Variants in SRPK2 observed in about 807,000 individuals in gnomAD.
SRPK2 encodes SFRS protein kinase 2.
Under a neutral mutation model 90.8 loss-of-function variants are expected in SRPK2, and 21 were observed. The observed-to-expected ratio is 0.23, with a 90% CI of 0.16 to 0.33. SRPK2 has a LOEUF of 0.33. Among genes scored for constraint, SRPK2 ranks in the 10% least tolerant of loss-of-function variants. The pLI, the probability that SRPK2 is intolerant of heterozygous loss-of-function variation, is 1.00. For synonymous variants in SRPK2, 288 were observed against 311.1 expected, an observed-to-expected ratio of 0.93 and a Z score of 0.78; for missense variants, 620 against 869.0, an observed-to-expected ratio of 0.71 and a Z score of 3.60.
chr7:105,134,985 G>A (rs1802578231), intron 11 of SRPK2, among the ~76,000 whole-genome samples: 1 of 152,146 alleles, frequency 6.6e-6, no homozygotes, highest in South Asian at 2.1e-4. Flanking sequence ...AAAGAAAGCA[G>A]CACAAAGACC....
In SRPK2 at chr7:105,210,205, G is replaced by A. The variant is rs573812978; in HGVS notation, c.72-6420C>T. ...CTCTCCTTTGCTATCAGCTTAGATG[G>A]CAACTGACACAATTTAAGAAATACA... On this transcript the variant is annotated intron_variant, in intron 2 of 15. Transcript: ENST00000393651. Among the ~76,000 whole-genome samples, 30 of 152,258 alleles carry A rather than the reference G, an allele frequency of 2.0e-4. No individual in the cohort carries two copies. In the South Asian group the frequency reaches 6.2e-3, roughly 32 times the overall value.
At chr7:105,173,278 T>C (rs1412798762) in intron 3 of SRPK2, among the ~76,000 whole-genome samples, 1 of 152,236 alleles carries the variant, frequency 6.6e-6, no homozygotes, top group East Asian at 1.9e-4. Context: ...CTAGTAATAG[T>C]ATTTTTAAAA....
chr7:105,265,470 T>TC (rs1247191376), intron 2 of SRPK2, among the ~76,000 whole-genome samples: 1 of 151,996 alleles, frequency 6.6e-6, no homozygotes, highest in African/African-American at 2.4e-5. Context: ...AACCAATCAA[T>TC]CCCCCTTGGA....
At chr7:105,377,369 C>A (rs1030960537) in intron 2 of SRPK2, among the ~76,000 whole-genome samples, 1 of 152,042 alleles carries the variant, frequency 6.6e-6, no homozygotes, top group African/African-American at 2.4e-5. Flanking sequence ...GACCAAACAG[C>A]TCTTAAAGGA....
intron 1 of SRPK2, among the ~76,000 whole-genome samples, chr7:105,396,814 G>GAGAA (rs1563329641): frequency 2.0e-4 from 20 of 99,324 alleles, no homozygotes; most frequent in South Asian, 4.0e-4. Flanking sequence ...AAGAAAGAAA[G>GAGAA]AGAGAAAGAG....
intron 2 of SRPK2, among the ~76,000 whole-genome samples, chr7:105,361,817 A>G (rs1411472705): frequency 6.6e-6 from 1 of 152,172 alleles, no homozygotes; most frequent in Non-Finnish European, 1.5e-5. Flanking sequence ...CTTATACAAA[A>G]ATTAATTCAA....
chr7:105,196,126 C>A (rs2129607702), intron 3 of SRPK2, among the ~76,000 whole-genome samples: 2 of 152,310 alleles, frequency 1.3e-5, no homozygotes. Flanking sequence ...GTCAGAATCT[C>A]CTTGGTCTCC....
rs34445430 is a variant in SRPK2, at chr7:105,375,983, C to CTTTTTTTTTT, written c.71+12655_71+12664dup. ...TGGGCAACGTAATGAGAATTCATTTCTTTTTTTTTTTTTTTTTTTTTTTTT... is the reference window on the plus strand; with the variant it reads ...TGGGCAACGTAATGAGAATTCATTTCTTTTTTTTTTTTTTTTTTTTTTTTTTTTTTTTTTT... On this transcript the variant is annotated intron_variant, in intron 2 of 15. Coordinates refer to ENST00000393651, the MANE Select transcript of SRPK2 (RefSeq NM_182692.3). Among the ~76,000 whole-genome samples the CTTTTTTTTTT allele has an allele frequency of 7.4e-4, 47 of 63,176 alleles. 8 individuals are homozygous for CTTTTTTTTTT. The highest frequency in any genetic ancestry group is 1.4e-3 in the South Asian group (2 of 1,380). 41.4% of individuals were successfully genotyped at this position (63,176 alleles called of 152,430 possible).
chr7:105,355,470 C>T (rs1817677309), intron 2 of SRPK2, among the ~76,000 whole-genome samples: 1 of 151,952 alleles, frequency 6.6e-6, no homozygotes, highest in Admixed American at 6.6e-5. Context: ...CATTACAAGA[C>T]CACATCTCAA....
chr7:105,337,056 C>A (rs1472966565), intron 2 of SRPK2, among the ~76,000 whole-genome samples: 1 of 152,070 alleles, frequency 6.6e-6, no homozygotes, highest in African/African-American at 2.4e-5. Context: ...CCCACCTCGG[C>A]CTCCCAAAGA....
chr7:105,279,011 C>G (rs764289017), intron 2 of SRPK2, among the ~76,000 whole-genome samples: 4 of 152,054 alleles, frequency 2.6e-5, no homozygotes, highest in Non-Finnish European at 5.9e-5. Flanking sequence ...ATAAAATAGG[C>G]TTACTTTCAG....
chr7:105,358,415 G>A (rs1232155002), intron 2 of SRPK2, among the ~76,000 whole-genome samples: 1 of 152,020 alleles, frequency 6.6e-6, no homozygotes, highest in African/African-American at 2.4e-5. Context: ...GCCATGCATG[G>A]TGGCTCACAC....
intron 2 of SRPK2, among the ~76,000 whole-genome samples, chr7:105,251,444 T>A (rs2237621): frequency 0.062 from 9,456 of 152,104 alleles, 1,003 homozygotes; most frequent in African/African-American, 0.21. Context: ...GGTCAAGCTA[T>A]GCTCCTGCCT....
At chr7:105,377,055 T>C (rs956391626) in intron 2 of SRPK2, among the ~76,000 whole-genome samples, 1 of 152,152 alleles carries the variant, frequency 6.6e-6, no homozygotes, top group Non-Finnish European at 1.5e-5. Context: ...TAGTCTCTAA[T>C]GATTTTCTAA....
At chr7:105,309,998 T>G (rs1442306121) in intron 2 of SRPK2, among the ~76,000 whole-genome samples, 1 of 152,174 alleles carries the variant, frequency 6.6e-6, no homozygotes, top group Non-Finnish European at 1.5e-5. Context: ...AAGGAACTCC[T>G]CACGCATGGG....
At chr7:105,115,295 A>T (rs1799559083), downstream of SRPK2, 1 of 152,222 alleles carries the variant, frequency 6.6e-6, no homozygotes, top group Non-Finnish European at 1.5e-5. Flanking sequence ...TATCGTGGTA[A>T]CTAGTTATGT....
At position 105,294,266 on chromosome 7, in the gene SRPK2, G is replaced by A. The variant is rs1393076107; in HGVS notation, c.72-90481C>T. Among the ~76,000 whole-genome samples, 4 of 152,068 alleles carry A rather than the reference G, an allele frequency of 2.6e-5. No homozygotes were observed. In the East Asian group the frequency reaches 5.8e-4, roughly 22 times the overall value. ...CAGCACCCTCTGCAAATTTCTCTTC[G>A]AGCTCTACTCAGTATTCAACATTTT... On this transcript the variant is annotated intron_variant, in intron 2 of 15. Transcript: ENST00000393651.
chr7:105,332,370 T>C (rs559349665), intron 2 of SRPK2, among the ~76,000 whole-genome samples: 1 of 152,266 alleles, frequency 6.6e-6, no homozygotes, highest in Admixed American at 6.5e-5. Context: ...AGATTCCAAA[T>C]ACCTTCTATT....
chr7:105,212,639 C>G (rs1159939708), intron 2 of SRPK2, among the ~76,000 whole-genome samples: 1 of 152,166 alleles, frequency 6.6e-6, no homozygotes, highest in African/African-American at 2.4e-5. Context: ...GAAATGCAAC[C>G]ATAGAAACAA....
Sources: gnomAD v4.1 joint callset for allele counts (sites outside exome capture counted in the v4.1 genomes callset) on GRCh38, gnomAD v4.1.1 for gene constraint, MANE v1.5 for transcripts, NCBI Gene and HGNC (gene_info 2026-07-23, HGNC 2026-07-21) for gene names.